SAFB: variants seen among roughly 807,000 people sequenced by gnomAD.
SAFB encodes the protein scaffold attachment factor B1.
In SAFB, 15 loss-of-function variants were observed where a neutral mutation model predicts 101.6. That is an observed-to-expected ratio of 0.15 (90% CI 0.10 to 0.23). The LOEUF is 0.23. Ranked by LOEUF, SAFB falls within the 10% of genes least tolerant of loss-of-function variation. The pLI, the probability that SAFB is intolerant of heterozygous loss-of-function variation, is 1.00. For synonymous variants in SAFB, 449 were observed against 407.5 expected (o/e 1.10, Z -1.23); for missense variants, 930 against 1,104.1 (o/e 0.84, Z 2.23).
chr19:5,644,062 T>C (rs993732652), intron 4 of SAFB, among the ~76,000 whole-genome samples: 7 of 152,184 alleles, frequency 4.6e-5, no homozygotes, highest in Non-Finnish European at 7.4e-5. Context: ...GTTTTTGTTT[T>C]GGGGTTTTTT....
At chr19:5,650,264 A>G (rs933618120) in intron 8 of SAFB, among the ~76,000 whole-genome samples, 8 of 152,188 alleles carry the variant, frequency 5.3e-5, no homozygotes, top group African/African-American at 1.9e-4. Context: ...TACCCTACCA[A>G]ATTCCTTCTT....
In SAFB at chr19:5,645,221, T is replaced by C. The variant is rs946029047; in HGVS notation, c.547-116T>C. 1.0e-5 allele frequency: 6 copies of C among 576,626 alleles called. No homozygotes were observed. In the African/African-American group the frequency reaches 1.1e-4, roughly 11 times the overall value. The allele number at this position is 576,626 out of a possible 1,614,324, so 35.7% of individuals were successfully genotyped here. A position where few individuals can be genotyped will look rare whatever the true frequency, so the allele number is the denominator to read the frequency against. On this transcript the variant is annotated intron_variant, in intron 4 of 20. Transcript: ENST00000588852. ...ATAGTGTTTTGATTTCTGCCCTGGG[T>C]TTAAAATTTTGTTGTGAATTATTTT...
At chr19:5,640,170 A>G (rs1033943623) in intron 2 of SAFB, among the ~76,000 whole-genome samples, 2 of 152,106 alleles carry the variant, frequency 1.3e-5, no homozygotes, top group Non-Finnish European at 2.9e-5. Flanking sequence ...AAGTTTTTAA[A>G]TAGTGGGGTG....
intron 2 of SAFB, among the ~76,000 whole-genome samples, chr19:5,638,967 T>TCCAC (rs1413102034): frequency 6.6e-6 from 1 of 151,272 alleles, no homozygotes; most frequent in Non-Finnish European, 1.5e-5. Context: ...CCTCAGATGA[T>TCCAC]CCACCCGCCT....
chr19:5,629,709 G>C (rs935197829), intron 2 of SAFB, among the ~76,000 whole-genome samples: 1 of 152,176 alleles, frequency 6.6e-6, no homozygotes, highest in African/African-American at 2.4e-5. Context: ...CTTAGTGAAA[G>C]GAGAATTCTA....
chr19:5,654,489 CTCT>C (rs745411191), intron 13 of SAFB, 33 bp downstream of exon 13: 71 of 1,259,072 alleles, frequency 5.6e-5, no homozygotes, highest in Non-Finnish European at 7.9e-5. Context: ...GGGTATTTTG[CTCT>C]TCTTTTCAGT....
chr19:5,651,152 G>A (rs1384489758), intron 9 of SAFB, 80 bp downstream of exon 9: 4 of 870,602 alleles, frequency 4.6e-6, no homozygotes, highest in Non-Finnish European at 7.4e-6. Context: ...TCTCCCCTCA[G>A]TGAGTTCTTT....
At chr19:5,623,734 C>T (rs1488032484) in intron 1 of SAFB, among the ~76,000 whole-genome samples, 16 of 151,920 alleles carry the variant, frequency 1.1e-4, no homozygotes, top group Non-Finnish European at 8.8e-5. Context: ...ACCCTCACTT[C>T]CCAGGCGAGG....
At position 5,667,736 on chromosome 19, in the gene SAFB, A is replaced by G. The variant is rs2054366039; in HGVS notation, c.2558-84A>G. 1 of 1,406,992 alleles carries G rather than the reference A, an allele frequency of 7.1e-7. No homozygotes were observed. Among genetic ancestry groups the G allele is most frequent in the Non-Finnish European group, 1.0e-6 (1 of 1,000,754 alleles). 87.2% of individuals were successfully genotyped at this position (1,406,992 alleles called of 1,614,324 possible). A position where few individuals can be genotyped will look rare whatever the true frequency, so the allele number is the denominator to read the frequency against. On this transcript the variant is annotated intron_variant, in intron 19 of 20. Transcript: ENST00000588852. The surrounding 1 kb of genome is among the most constrained non-coding windows in gnomAD (Gnocchi z 4.0). Reference sequence around the variant, plus strand: ...GTTGTGGGTACCTGGGGGCCTCACCAAAGGGAGTGGAGTGGGCTAAATGTG... The same window carrying G: ...GTTGTGGGTACCTGGGGGCCTCACCGAAGGGAGTGGAGTGGGCTAAATGTG...
At chr19:5,624,028 A>G (rs2053272878) in intron 1 of SAFB, 1 of 152,226 alleles carries the variant, frequency 6.6e-6, no homozygotes, top group Non-Finnish European at 1.5e-5. Context: ...TGTTGACGGT[A>G]GTGATCAGAA....
chr19:5,654,966 A>G (rs897344591), intron 13 of SAFB, among the ~76,000 whole-genome samples: 2 of 152,230 alleles, frequency 1.3e-5, no homozygotes, highest in Admixed American at 6.5e-5. Flanking sequence ...AAATTTACAT[A>G]TGGGACTGTT....
Position 5,664,139 on chromosome 19 carries a change from C to T in SAFB, c.2271C>T (p.Tyr757=). The T allele has an allele frequency of 6.2e-7, 1 of 1,613,868 alleles. No individual in the cohort carries two copies. Among genetic ancestry groups the T allele is most frequent in the Non-Finnish European group, 8.5e-7 (1 of 1,180,006 alleles). The change falls in exon 16 of 21, where the codon TAC becomes TAT. Residue 757 remains tyrosine (Y), a synonymous_variant. Transcript: ENST00000588852. ...HDFDHRDRGR[Y]PDHSVDRREG... is the part of the protein sequence containing the mutation. ...TTGACCACAGGGACCGCGGCCGCTA[C>T]CCCGACCACTCGGTGGACAGGTCAG...
In SAFB at chr19:5,664,122, A is replaced by T; in HGVS notation, c.2254A>T (p.Arg752Trp). The change falls in exon 16 of 21, where the codon AGG (arginine) becomes TGG (tryptophan). Residue 752 changes from arginine (R) to tryptophan (W), a missense_variant. This residue lies in a region of SAFB where 318 missense variants were observed against 342.6 expected (regional missense o/e 0.93). Coordinates refer to ENST00000588852, the MANE Select transcript of SAFB (RefSeq NM_001201338.2). ...RQDRFHDFDHRDRGRYPDHSV... is the reference protein window; with the variant it reads ...RQDRFHDFDHWDRGRYPDHSV... ...GGACCGCTTCCACGACTTTGACCAC[A>T]GGGACCGCGGCCGCTACCCCGACCA... 1 of 1,614,002 alleles carries T rather than the reference A, an allele frequency of 6.2e-7. No individual in the cohort carries two copies. The highest frequency in any genetic ancestry group is 8.5e-7 in the Non-Finnish European group (1 of 1,180,034).
rs149144520 is a variant in SAFB at position 5,623,256 on chromosome 19, G to T, written c.51G>T (p.Ala17=). Residue 17 remains alanine (A), a synonymous_variant, in exon 1 of 21, where the codon GCG becomes GCT. Transcript: ENST00000588852. ...GTGATTCTGGAGCGGCGGGCGCGGCGGCTCTGAGCTCCGCCTCGTCAGAGA... is the reference window on the plus strand; with the variant it reads ...GTGATTCTGGAGCGGCGGGCGCGGCTGCTCTGAGCTCCGCCTCGTCAGAGA... ...GLGDSGAAGA[A]ALSSASSETG... 8.5e-5 allele frequency: 134 copies of T among 1,577,694 alleles called. No individual in the cohort carries two copies. Among genetic ancestry groups the T allele is most frequent in the Non-Finnish European group, 1.1e-4 (128 of 1,162,990 alleles).
In SAFB at chr19:5,664,448, G is replaced by A. The variant is rs1360093967; in HGVS notation, c.2334+9G>A. The A allele has an allele frequency of 1.2e-6, 2 of 1,609,556 alleles. No individual in the cohort carries two copies. Among genetic ancestry groups the A allele is most frequent in the African/African-American group, 1.3e-5 (1 of 74,974 alleles). On this transcript the variant is annotated intron_variant, in intron 17 of 20. Coordinates refer to ENST00000588852, the MANE Select transcript of SAFB (RefSeq NM_001201338.2). Reference sequence around the variant, plus strand: ...GAGAACGAGAAGGACAGGTAAGTCTGAAGCTACAGTGGTAGCCACAGAATT... The same window carrying A: ...GAGAACGAGAAGGACAGGTAAGTCTAAAGCTACAGTGGTAGCCACAGAATT...
chr19:5,640,754 T>C (rs958677185), intron 2 of SAFB, among the ~76,000 whole-genome samples: 1 of 151,792 alleles, frequency 6.6e-6, no homozygotes, highest in African/African-American at 2.4e-5. Flanking sequence ...CACAACCAGC[T>C]AGTTTTTTGT....
At chr19:5,644,009 G>C (rs1276431614) in intron 4 of SAFB, among the ~76,000 whole-genome samples, 1 of 152,194 alleles carries the variant, frequency 6.6e-6, no homozygotes, top group African/African-American at 2.4e-5. Flanking sequence ...TAAAGCAGAA[G>C]TCATCAAGTT....
In SAFB at chr19:5,667,277, A is replaced by G. The variant is rs938753937; in HGVS notation, c.2454-70A>G. The G allele has an allele frequency of 2.4e-5, 32 of 1,319,390 alleles. No homozygotes were observed. The highest frequency in any genetic ancestry group is 3.2e-5 in the Non-Finnish European group (31 of 974,386). The allele number at this position is 1,319,390 out of a possible 1,614,324, so 81.7% of individuals were successfully genotyped here. A position where few individuals can be genotyped will look rare whatever the true frequency, so the allele number is the denominator to read the frequency against. On this transcript the variant is annotated intron_variant, in intron 18 of 20. Transcript: ENST00000588852. This position sits in a 1 kb window ranked among gnomAD's most constrained non-coding sequence, Gnocchi z 4.0. ...AACACAGAGGGATTCACTCTCCAGA[A>G]GCCGCCACAGTTATTAGCACAAGAG...
intron 9 of SAFB, among the ~76,000 whole-genome samples, chr19:5,652,907 G>T (rs1201983438): frequency 6.6e-6 from 1 of 152,090 alleles, no homozygotes; most frequent in Non-Finnish European, 1.5e-5. Context: ...TGCCCTCCTG[G>T]CCCCCTTGAG....
Sources: allele counts gnomAD v4.1 joint callset (sites outside exome capture counted in the v4.1 genomes callset), GRCh38; gene constraint gnomAD v4.1.1; regional missense constraint gnomAD v4.1.1; non-coding constraint Gnocchi (gnomAD v3.1); transcripts MANE v1.5; gene names NCBI Gene and HGNC (gene_info 2026-07-23, HGNC 2026-07-21).